STK31: variants seen among roughly 807,000 people sequenced by gnomAD.
STK31 encodes the protein serine/threonine kinase 31.
STK31 carries 89 observed loss-of-function variants against 129.7 expected under a neutral mutation model. The ratio of observed to expected loss-of-function variants is 0.69; its 90% CI spans 0.58 to 0.82. The LOEUF (loss-of-function observed/expected upper bound fraction) is 0.82. STK31 is among the 40% of genes least tolerant of loss of function. The pLI, the probability that STK31 is intolerant of heterozygous loss-of-function variation, is 0.00. For synonymous variants in STK31, 448 were observed against 395.3 expected (o/e 1.13, Z -1.58); for missense variants, 1,187 against 1,176.4 (o/e 1.01, Z -0.13).
At chr7:23,810,664 A>G (rs1793038365) in intron 22 of STK31, among the ~76,000 whole-genome samples, 1 of 133,094 alleles carries the variant, frequency 7.5e-6, no homozygotes, top group Non-Finnish European at 1.6e-5. Flanking sequence ...ATATAAAAAT[A>G]TATAATATAT....
chr7:23,730,728 A>G (rs1787351834), intron 6 of STK31, among the ~76,000 whole-genome samples: 1 of 151,432 alleles, frequency 6.6e-6, no homozygotes, highest in Non-Finnish European at 1.5e-5. Flanking sequence ...GTTGATTGAA[A>G]CACACATGAA....
In STK31 at chr7:23,752,802, C is replaced by T. The variant is rs750838119; in HGVS notation, c.1103C>T (p.Ala368Val). 1 of 1,611,956 alleles carries T rather than the reference C, an allele frequency of 6.2e-7. No homozygotes were observed. The highest frequency in any genetic ancestry group is 1.1e-5 in the South Asian group (1 of 90,746). Residue 368 changes from alanine to valine, a missense_variant, in exon 9 of 24, where the codon GCA (alanine) becomes GTA (valine). Coordinates refer to ENST00000355870, the MANE Select transcript of STK31 (RefSeq NM_031414.5). The stretch of plus-strand genomic sequence containing the variant: ...ATAGATACCAGAATGAAAAATCTGG[C>T]AGCTAAGATGGAAATACTGAAAGAA... ...TYIDTRMKNL[A>V]AKMEILKEMR... is the part of the protein sequence containing the mutation.
intron 22 of STK31, among the ~76,000 whole-genome samples, chr7:23,800,540 T>C (rs529593660): frequency 6.6e-6 from 1 of 152,050 alleles, no homozygotes; most frequent in African/African-American, 2.4e-5. Flanking sequence ...CACTCATAAG[T>C]TGAACAATGA....
rs371289534 is a variant in STK31, at chr7:23,716,120, A to T, written c.151-1361A>T. Among the ~76,000 whole-genome samples, 27 of 152,254 alleles carry T rather than the reference A, an allele frequency of 1.8e-4. No individual in the cohort carries two copies. In the East Asian group the frequency reaches 4.2e-3, roughly 24 times the overall value. Reference sequence around the variant, plus strand: ...GATCCAATACAGAATCCCAAATTGTATTTAGTTGTGTATCCTTGGTTTCCT... The same window carrying T: ...GATCCAATACAGAATCCCAAATTGTTTTTAGTTGTGTATCCTTGGTTTCCT... On this transcript the variant is annotated intron_variant, in intron 3 of 23. Transcript: ENST00000355870.
chr7:23,784,195 T>C lies in STK31; in HGVS notation c.2148+532T>C, dbSNP rs137928897. Among the ~76,000 whole-genome samples, 636 of 152,272 alleles carry C rather than the reference T, an allele frequency of 4.2e-3. 7 individuals carry two copies. The highest frequency in any genetic ancestry group is 0.015 in the African/African-American group (616 of 41,552). ...ATTAGTAAACACTGGTTTACTAATC[T>C]GTTAGTCCTGAATCTGTTAGTCCTG... On this transcript the variant is annotated intron_variant, in intron 17 of 23. Transcript: ENST00000355870.
At chr7:23,746,704 T>C (rs1419070142) in intron 8 of STK31, among the ~76,000 whole-genome samples, 1 of 152,130 alleles carries the variant, frequency 6.6e-6, no homozygotes, top group African/African-American at 2.4e-5. Context: ...TTATTAAGTC[T>C]TAATCCTCAT....
At position 23,717,471 on chromosome 7, in the gene STK31, A is replaced by C; in HGVS notation, c.151-10A>C. The C allele has an allele frequency of 6.4e-7, 1 of 1,567,836 alleles. No individual in the cohort carries two copies. Among genetic ancestry groups the C allele is most frequent in the Non-Finnish European group, 8.8e-7 (1 of 1,141,100 alleles). ...TTTACTGTATCTTATACTATATCTA[A>C]TCTTTCTAGAGTATCAATAGAAATA... On this transcript the variant is annotated splice_polypyrimidine_tract_variant and intron_variant, in intron 3 of 23. Coordinates refer to ENST00000355870, the MANE Select transcript of STK31 (RefSeq NM_031414.5).
intron 23 of STK31, among the ~76,000 whole-genome samples, chr7:23,817,911 A>G (rs915146051): frequency 6.6e-6 from 1 of 151,810 alleles, no homozygotes; most frequent in East Asian, 1.9e-4. Flanking sequence ...ATAAGTTTAA[A>G]TACCTAGCTT....
At chr7:23,778,208 G>A (rs79259636) in intron 15 of STK31, among the ~76,000 whole-genome samples, 2 of 152,206 alleles carry the variant, frequency 1.3e-5, no homozygotes, top group Non-Finnish European at 2.9e-5. Context: ...AGAAATTGCT[G>A]TTAGTTTGAT....
At chr7:23,812,487 G>A (rs553689200) in intron 22 of STK31, among the ~76,000 whole-genome samples, 1 of 144,228 alleles carries the variant, frequency 6.9e-6, no homozygotes, top group South Asian at 2.3e-4. Context: ...CAAAATTTGG[G>A]AACTTTTCAA....
intron 8 of STK31, among the ~76,000 whole-genome samples, chr7:23,748,669 T>G (rs1342863719): frequency 6.6e-6 from 1 of 152,238 alleles, no homozygotes; most frequent in African/African-American, 2.4e-5. Context: ...TTCCATTTAA[T>G]GAATAGTAAA....
At chr7:23,767,235 T>C (rs780985482) in intron 11 of STK31, among the ~76,000 whole-genome samples, 1 of 152,198 alleles carries the variant, frequency 6.6e-6, no homozygotes, top group Non-Finnish European at 1.5e-5. Context: ...TCTTTCAGAG[T>C]GCTTGTGCTG....
intron 5 of STK31, chr7:23,727,594 T>A: frequency 3.2e-6 from 1 of 317,446 alleles, no homozygotes; most frequent in Non-Finnish European, 5.9e-6. Context: ...ATGGAGTCTT[T>A]CTGTGTCGCC....
In STK31 at chr7:23,735,770, C is replaced by G; in HGVS notation, c.716C>G (p.Pro239Arg). Residue 239 changes from proline to arginine, a missense_variant, in exon 7 of 24, where the codon CCC becomes CGC. Pro to Arg is a moderately radical substitution (Grantham distance 103). Transcript: ENST00000355870. ...GQLVLRNLKS[P>R]IPLWGHRSNQ... ...CTTGTTCTCAGGAACCTCAAAAGCCCCATTCCTTTGTGGGGGCATAGATCA... is the reference window on the plus strand; with the variant it reads ...CTTGTTCTCAGGAACCTCAAAAGCCGCATTCCTTTGTGGGGGCATAGATCA... 2 of 1,614,132 alleles carry G rather than the reference C, an allele frequency of 1.2e-6. No individual in the cohort carries two copies. Among genetic ancestry groups the G allele is most frequent in the Non-Finnish European group, 1.7e-6 (2 of 1,180,016 alleles).
At chr7:23,756,848 T>A (rs1466090916) in intron 10 of STK31, among the ~76,000 whole-genome samples, 1 of 152,182 alleles carries the variant, frequency 6.6e-6, no homozygotes, top group Non-Finnish European at 1.5e-5. Context: ...GTGGACTTGA[T>A]CGTGGTGGGT....
chr7:23,738,619 T>C (rs551273137), intron 8 of STK31, among the ~76,000 whole-genome samples: 1 of 152,200 alleles, frequency 6.6e-6, no homozygotes, highest in Non-Finnish European at 1.5e-5. Flanking sequence ...CCCAATGGCA[T>C]GATCTCGGCT....
At chr7:23,766,978 A>C (rs1043259384) in intron 11 of STK31, among the ~76,000 whole-genome samples, 2 of 152,156 alleles carry the variant, frequency 1.3e-5, no homozygotes, top group African/African-American at 4.8e-5. Flanking sequence ...TAATGAATTA[A>C]TCCTCTAGCT....
chr7:23,740,652 C>A (rs529319329), intron 8 of STK31, among the ~76,000 whole-genome samples: 6 of 152,126 alleles, frequency 3.9e-5, no homozygotes, highest in African/African-American at 9.7e-5. Context: ...CCACTCCCCC[C>A]ACCCCACAAC....
At chr7:23,807,351 T>C (rs897123733) in intron 22 of STK31, among the ~76,000 whole-genome samples, 2 of 152,200 alleles carry the variant, frequency 1.3e-5, no homozygotes, top group Non-Finnish European at 2.9e-5. Context: ...CTTTTTCTTT[T>C]AGCATTTGGA....
Sources: gnomAD v4.1 joint callset for allele counts (sites outside exome capture counted in the v4.1 genomes callset) on GRCh38, gnomAD v4.1.1 for gene constraint, MANE v1.5 for transcripts, NCBI Gene and HGNC (gene_info 2026-07-23, HGNC 2026-07-21) for gene names.